DCDC1: variants seen among roughly 807,000 people sequenced by gnomAD.
DCDC1 encodes doublecortin domain-containing protein 1.
Under a neutral mutation model 178.3 loss-of-function variants are expected in DCDC1, and 200 were observed. The ratio of observed to expected loss-of-function variants is 1.12; its 90% confidence interval spans 1.00 to 1.26. The LOEUF (loss-of-function observed/expected upper bound fraction) is 1.26. Ranked by LOEUF, DCDC1 falls within the 50% of genes most tolerant of loss-of-function variation. The pLI, the probability that DCDC1 is intolerant of heterozygous loss-of-function variation, is 0.00. For synonymous variants in DCDC1, 690 were observed against 604.8 expected, an observed-to-expected ratio of 1.14 and a Z score of -2.07; for missense variants, 1,983 against 1,749.2, an observed-to-expected ratio of 1.13 and a Z score of -2.38.
chr11:31,047,872 T>C (rs1009867978), intron 20 of DCDC1, among the ~76,000 whole-genome samples: 3 of 152,232 alleles, frequency 2.0e-5, no homozygotes, highest in African/African-American at 7.2e-5. Flanking sequence ...ATTCAGATTC[T>C]TTAAAGAGAT....
At chr11:31,283,627 A>G (rs562129578) in intron 7 of DCDC1, among the ~76,000 whole-genome samples, 1 of 152,204 alleles carries the variant, frequency 6.6e-6, no homozygotes, top group South Asian at 2.1e-4. Flanking sequence ...AACAAGCTCA[A>G]CAAGACCTCT....
chr11:31,235,640 AT>A (rs1976360295), intron 9 of DCDC1, among the ~76,000 whole-genome samples: 1 of 152,028 alleles, frequency 6.6e-6, no homozygotes, highest in Admixed American at 6.6e-5. Flanking sequence ...GATAACTAAT[AT>A]TTTTAATATG....
chr11:31,298,932 A>G (rs533247587), intron 6 of DCDC1, among the ~76,000 whole-genome samples: 2 of 152,360 alleles, frequency 1.3e-5, no homozygotes, highest in African/African-American at 2.4e-5. Flanking sequence ...AAAACACAAC[A>G]CTCTGACTGT....
chr11:31,250,758 A>AT lies in DCDC1; in HGVS notation c.1055-9143dup, dbSNP rs35647764. ...ACTTATGTTAGGCAGCATCCCTAATATTTTTTTTTTTTTTTGAGACGGAGT... is the reference window on the plus strand; with the variant it reads ...ACTTATGTTAGGCAGCATCCCTAATATTTTTTTTTTTTTTTTGAGACGGAGT... On this transcript the variant is annotated intron_variant, in intron 8 of 38. Transcript: ENST00000684477. Among the ~76,000 whole-genome samples, 1,206 of 142,450 alleles carry AT rather than the reference A, an allele frequency of 8.5e-3. 10 individuals carry two copies. Among genetic ancestry groups the AT allele is most frequent in the African/African-American group, 0.016 (619 of 38,382 alleles). The allele number at this position is 142,450 out of a possible 152,430, so 93.5% of individuals were successfully genotyped here.
chr11:30,909,999 T>C (rs1945333225), intron 28 of DCDC1, among the ~76,000 whole-genome samples: 1 of 152,066 alleles, frequency 6.6e-6, no homozygotes, highest in Non-Finnish European at 1.5e-5. Context: ...AATAAATGAG[T>C]CCCAAGAATT....
Position 31,127,548 on chromosome 11 carries a change from T to C in DCDC1, c.1406A>G (p.Glu469Gly). The change falls in exon 11 of 39, where the codon GAG becomes GGG. Residue 469 changes from glutamate to glycine, a missense_variant. Coordinates refer to ENST00000684477, the MANE Select transcript of DCDC1 (RefSeq NM_001387274.1). ...TTGGTAGACATAAGAGGAGAATTGC[T>C]CCTGCTCAGCCTGTAATTGGGGGCC... ...KLGPQLQAEQ[E>G]QFSSYVYQHI... The C allele has an allele frequency of 1.4e-6, 1 of 702,746 alleles. No homozygotes were observed. The highest frequency in any genetic ancestry group is 1.5e-5 in the South Asian group (1 of 67,592). 43.5% of individuals were successfully genotyped at this position (702,746 alleles called of 1,614,324 possible). A position where few individuals can be genotyped will look rare whatever the true frequency, so the allele number is the denominator to read the frequency against.
intron 9 of DCDC1, among the ~76,000 whole-genome samples, chr11:31,183,167 C>A (rs1220857503): frequency 6.6e-6 from 1 of 152,082 alleles, no homozygotes; most frequent in Admixed American, 6.6e-5. Context: ...ATTTAACACC[C>A]CAATGTCAAT....
intron 20 of DCDC1, among the ~76,000 whole-genome samples, chr11:31,019,528 T>A (rs1465606544): frequency 6.6e-6 from 1 of 152,230 alleles, no homozygotes; most frequent in Non-Finnish European, 1.5e-5. Context: ...TGTTTAAAGT[T>A]GCCAGCAATG....
chr11:31,366,228 A>G (rs1008327748), intron 1 of DCDC1, among the ~76,000 whole-genome samples: 17 of 152,210 alleles, frequency 1.1e-4, no homozygotes, highest in African/African-American at 4.1e-4. Context: ...TTTAACCATG[A>G]TACTAACATA....
intron 20 of DCDC1, among the ~76,000 whole-genome samples, chr11:30,982,911 A>G (rs1478069695): frequency 6.6e-6 from 1 of 152,004 alleles, no homozygotes; most frequent in Non-Finnish European, 1.5e-5. Flanking sequence ...ATCAATTTAC[A>G]TTTTTCTGTG....
chr11:30,872,947 C>T (rs597042), intron 38 of DCDC1, among the ~76,000 whole-genome samples: 8,631 of 151,798 alleles, frequency 0.057, 791 homozygotes, highest in African/African-American at 0.19. Context: ...ACATTCACCT[C>T]TGCATGCCCA....
At chr11:30,954,701 G>A (rs901044364) in intron 20 of DCDC1, among the ~76,000 whole-genome samples, 17 of 152,196 alleles carry the variant, frequency 1.1e-4, no homozygotes, top group Admixed American at 1.0e-3. Context: ...ATACATCACT[G>A]ATTAATGAAT....
chr11:30,912,814 G>A (rs558714877), intron 27 of DCDC1, among the ~76,000 whole-genome samples: 4 of 152,270 alleles, frequency 2.6e-5, no homozygotes, highest in Admixed American at 6.5e-5. Context: ...ATATACATAT[G>A]TAATGTACAT....
chr11:31,226,838 G>A (rs1166093648), intron 9 of DCDC1, among the ~76,000 whole-genome samples: 1 of 151,966 alleles, frequency 6.6e-6, no homozygotes, highest in Non-Finnish European at 1.5e-5. Flanking sequence ...AAGTATGTGG[G>A]TGAAGAAAAA....
chr11:30,884,869 G>A, intron 36 of DCDC1, among the ~76,000 whole-genome samples: 1 of 151,870 alleles, frequency 6.6e-6, no homozygotes, highest in Non-Finnish European at 1.5e-5. Flanking sequence ...TAAATTCTTA[G>A]GAAATTAATT....
chr11:30,925,446 A>C (rs757415870), intron 22 of DCDC1, 38 bp from the exon 23 acceptor site: 62 of 1,568,876 alleles, frequency 4.0e-5, no homozygotes, highest in Non-Finnish European at 5.3e-5. Context: ...TTGCATACAG[A>C]AAGCTTCCAG....
intron 15 of DCDC1, among the ~76,000 whole-genome samples, chr11:31,098,075 T>A (rs1441441996): frequency 1.3e-5 from 2 of 152,222 alleles, no homozygotes; most frequent in Admixed American, 6.5e-5. Flanking sequence ...TGAAGCCATG[T>A]ACTGAAAGGC....
chr11:31,196,694 G>A (rs1190737433), intron 9 of DCDC1, among the ~76,000 whole-genome samples: 2 of 151,998 alleles, frequency 1.3e-5, no homozygotes, highest in African/African-American at 2.4e-5. Context: ...ACCTTGATGT[G>A]TTCACCAACC....
chr11:31,153,005 C>G (rs1414973719), intron 9 of DCDC1, among the ~76,000 whole-genome samples: 1 of 152,190 alleles, frequency 6.6e-6, no homozygotes, highest in African/African-American at 2.4e-5. Flanking sequence ...GGAATACAGA[C>G]TCTAAAGTTT....
Sources: allele counts gnomAD v4.1 joint callset (sites outside exome capture counted in the v4.1 genomes callset), GRCh38; gene constraint gnomAD v4.1.1; transcripts MANE v1.5; gene names NCBI Gene and HGNC (gene_info 2026-07-23, HGNC 2026-07-21).